Variants in CACNA1A observed in about 807,000 individuals in gnomAD.
CACNA1A encodes calcium voltage-gated channel subunit alpha1 A.
In CACNA1A, 57 loss-of-function variants were observed where a neutral mutation model predicts 262.4. The observed-to-expected ratio is 0.22, with a 90% CI of 0.18 to 0.27. The LOEUF (loss-of-function observed/expected upper bound fraction) is 0.27, where lower values mean the gene tolerates loss of function less well. CACNA1A is among the 10% of genes least tolerant of loss of function. The pLI, the probability that CACNA1A is intolerant of heterozygous loss-of-function variation, is 1.00. For synonymous variants in CACNA1A, 1,431 were observed against 1,419.3 expected, an observed-to-expected ratio of 1.01 and a Z score of -0.18; for missense variants, 2,526 against 3,562.8, an observed-to-expected ratio of 0.71 and a Z score of 7.41.
chr19:13,412,721 C>T (rs1281057797), intron 3 of CACNA1A, among the ~76,000 whole-genome samples: 1 of 152,170 alleles, frequency 6.6e-6, no homozygotes, highest in Non-Finnish European at 1.5e-5. Context: ...AGGTGATCTA[C>T]CTGTCTCGGC....
intron 6 of CACNA1A, among the ~76,000 whole-genome samples, chr19:13,353,842 C>G (rs976017482): frequency 1.3e-4 from 20 of 152,176 alleles, no homozygotes; most frequent in Admixed American, 1.3e-3. Context: ...ACATCACCTC[C>G]TCTGAGAAGC....
In CACNA1A at chr19:13,212,827, TAC is replaced by T. The variant is rs61178346; in HGVS notation, c.5941-89_5941-88del. On this transcript the variant is annotated intron_variant, in intron 40 of 46. Coordinates refer to ENST00000360228, the MANE Select transcript of CACNA1A (RefSeq NM_001127222.2). This position sits in a 1 kb window ranked among gnomAD's most constrained non-coding sequence, Gnocchi z 5.6. ...AGAAGGCATTGCGACATCCCCAGTA[TAC>T]ACACACACACACACACACACTCTCT... 45,120 of 486,708 alleles carry T rather than the reference TAC, an allele frequency of 0.093. 597 individuals carry two copies. The highest frequency in any genetic ancestry group is 0.13 in the Middle Eastern group (226 of 1,732). The allele number at this position is 486,708 out of a possible 1,614,324, so 30.1% of individuals were successfully genotyped here.
Position 13,261,923 on chromosome 19 carries a change from A to G in CACNA1A, c.4090-313T>C, listed in dbSNP as rs149142457. On this transcript the variant is annotated intron_variant, in intron 25 of 46. Coordinates refer to ENST00000360228, the MANE Select transcript of CACNA1A (RefSeq NM_001127222.2). ...CTTTCCAACTCTCTCAATCCTTTTG[A>G]GTGAAGGAGAAATTTTTACTTAGTT... 876 of 253,836 alleles carry G rather than the reference A, an allele frequency of 3.5e-3. 9 individuals are homozygous for G. The highest frequency in any genetic ancestry group is 0.018 in the African/African-American group (805 of 45,402). 15.7% of individuals were successfully genotyped at this position (253,836 alleles called of 1,614,324 possible). A position where few individuals can be genotyped will look rare whatever the true frequency, so the allele number is the denominator to read the frequency against.
At chr19:13,321,865 T>C (rs59228857) in intron 10 of CACNA1A, among the ~76,000 whole-genome samples, 71,930 of 151,740 alleles carry the variant, frequency 0.47, 19,230 homozygotes, top group East Asian at 0.8. Context: ...AAACACTGTA[T>C]GCTCAGGCTA....
intron 10 of CACNA1A, among the ~76,000 whole-genome samples, chr19:13,329,441 T>C (rs2058429065): frequency 1.3e-5 from 2 of 151,988 alleles, no homozygotes; most frequent in African/African-American, 2.4e-5. Context: ...TTCTATTTCC[T>C]GCACTGGACT....
rs532268839 is a variant in CACNA1A at position 13,206,944 on chromosome 19, G to GTTT, written c.*366_*368dup. On this transcript the variant is annotated 3_prime_UTR_variant, in exon 47 of 47. Transcript: ENST00000360228. ...TCTCCCCGTTTTTTCTTTTAAAAATGTTTTTTTTTTTTTTTTTTTTTTTTT... is the reference window on the plus strand; with the variant it reads ...TCTCCCCGTTTTTTCTTTTAAAAATGTTTTTTTTTTTTTTTTTTTTTTTTTTTT... 6 of 65,108 alleles carry GTTT rather than the reference G, an allele frequency of 9.2e-5. No individual in the cohort carries two copies. Among genetic ancestry groups the GTTT allele is most frequent in the South Asian group, 7.0e-4 (1 of 1,436 alleles). The allele number at this position is 65,108 out of a possible 1,614,324, so 4.0% of individuals were successfully genotyped here. A position where few individuals can be genotyped will look rare whatever the true frequency, so the allele number is the denominator to read the frequency against.
intron 3 of CACNA1A, among the ~76,000 whole-genome samples, chr19:13,392,314 G>A (rs951839402): frequency 6.6e-6 from 1 of 152,198 alleles, no homozygotes; most frequent in African/African-American, 2.4e-5. Context: ...GTACTGTTGC[G>A]AGACCTTGCC....
At chr19:13,402,873 CATATATATATATATAT>C (rs71170507) in intron 3 of CACNA1A, among the ~76,000 whole-genome samples, 2,522 of 72,846 alleles carry the variant, frequency 0.035, 59 homozygotes, top group East Asian at 0.11. Flanking sequence ...CACACACACA[CATATATATATATATAT>C]ATATATATAT....
intron 3 of CACNA1A, among the ~76,000 whole-genome samples, chr19:13,397,622 G>A (rs1039462240): frequency 6.6e-5 from 10 of 152,012 alleles, no homozygotes; most frequent in South Asian, 2.1e-4. Flanking sequence ...TGGTGACATC[G>A]ATCAAAATGT....
chr19:13,404,618 G>A (rs561607202), intron 3 of CACNA1A, among the ~76,000 whole-genome samples: 5 of 152,234 alleles, frequency 3.3e-5, no homozygotes, highest in South Asian at 2.1e-4. Flanking sequence ...TACCAGGGCC[G>A]TATCCTCTGT....
At chr19:13,389,051 C>T (rs556438419) in intron 3 of CACNA1A, among the ~76,000 whole-genome samples, 240 of 152,114 alleles carry the variant, frequency 1.6e-3, no homozygotes, top group Middle Eastern at 3.4e-3. Context: ...TACAGGCACC[C>T]GCCACCACGT....
chr19:13,208,611 C>T (rs2054669174), intron 46 of CACNA1A, 145 bp downstream of exon 46: 2 of 1,073,132 alleles, frequency 1.9e-6, no homozygotes, highest in Non-Finnish European at 1.3e-6. Flanking sequence ...GCCGGGCACC[C>T]CGGTGGCTTG....
At chr19:13,501,882 T>G (rs941104445) in intron 1 of CACNA1A, among the ~76,000 whole-genome samples, 9 of 152,182 alleles carry the variant, frequency 5.9e-5, no homozygotes, top group Non-Finnish European at 1.2e-4. Context: ...TTGGAGCTTT[T>G]TGGATTGGGG....
chr19:13,336,800 A>C (rs1229230077), intron 6 of CACNA1A, among the ~76,000 whole-genome samples: 1 of 152,206 alleles, frequency 6.6e-6, no homozygotes, highest in Non-Finnish European at 1.5e-5. Flanking sequence ...TAGAAAGACA[A>C]AATCATCAGC....
chr19:13,284,128 C>T (rs1179395411), intron 21 of CACNA1A: 1 of 151,018 alleles, frequency 6.6e-6, no homozygotes, highest in East Asian at 2.0e-4. Context: ...TGGGCTCAAA[C>T]TCCAGCTCTC....
intron 1 of CACNA1A, among the ~76,000 whole-genome samples, chr19:13,456,927 T>C (rs571474030): frequency 2.2e-4 from 33 of 152,064 alleles, no homozygotes; most frequent in African/African-American, 5.8e-4. Context: ...TGTGAAGAAA[T>C]TGAAACCCTC....
chr19:13,483,579 G>A (rs549571822), intron 1 of CACNA1A, among the ~76,000 whole-genome samples: 31 of 152,284 alleles, frequency 2.0e-4, no homozygotes, highest in African/African-American at 7.5e-4. Flanking sequence ...ATTCCGGGAA[G>A]ATAGCTGAAA....
chr19:13,275,795 C>A, intron 24 of CACNA1A, 55 bp downstream of exon 24: 1 of 1,212,876 alleles, frequency 8.2e-7, no homozygotes, highest in Non-Finnish European at 1.2e-6. Context: ...GATGTGTGGC[C>A]CAGGCTGGGG....
At position 13,485,407 on chromosome 19, in the gene CACNA1A, T is replaced by C. The variant is rs140135814; in HGVS notation, c.293+20525A>G. Among the ~76,000 whole-genome samples, 383 of 152,298 alleles carry C rather than the reference T, an allele frequency of 2.5e-3. 2 individuals are homozygous for C. The highest frequency in any genetic ancestry group is 8.6e-3 in the African/African-American group (359 of 41,556). ...TCAACCACATCAAAATTAAGAACTGTTGGTGATCAAAAGACATTATAAAAA... is the reference window on the plus strand; with the variant it reads ...TCAACCACATCAAAATTAAGAACTGCTGGTGATCAAAAGACATTATAAAAA... On this transcript the variant is annotated intron_variant, in intron 1 of 46. Coordinates refer to ENST00000360228, the MANE Select transcript of CACNA1A (RefSeq NM_001127222.2).
Sources: gnomAD v4.1 joint callset for allele counts (sites outside exome capture counted in the v4.1 genomes callset) on GRCh38, gnomAD v4.1.1 for gene constraint, Gnocchi (gnomAD v3.1) non-coding constraint, MANE v1.5 for transcripts, NCBI Gene and HGNC (gene_info 2026-07-23, HGNC 2026-07-21) for gene names.